DMD: variants seen among roughly 807,000 people sequenced by gnomAD.
DMD encodes the protein mutant dystrophin.
In DMD, 63 loss-of-function variants were observed where a neutral mutation model predicts 330.1. That is an observed-to-expected ratio of 0.19 (90% CI 0.16 to 0.24). The LOEUF (loss-of-function observed/expected upper bound fraction) is 0.24. Among genes scored for constraint, DMD ranks in the 10% least tolerant of loss-of-function variants. The pLI is 1.00. For synonymous variants in DMD, 1,223 were observed against 959.8 expected, an observed-to-expected ratio of 1.27 and a Z score of -5.07; for missense variants, 3,344 against 2,684.1, an observed-to-expected ratio of 1.25 and a Z score of -5.43.
intron 44 of DMD, among the ~76,000 whole-genome samples, chrX:32,063,079 C>T (rs182159752): frequency 0.024 from 2,609 of 110,180 alleles, 43 homozygotes; most frequent in Non-Finnish European, 0.037. Context: ...GTCAATTCAG[C>T]TTTTGATGTT....
intron 64 of DMD, among the ~76,000 whole-genome samples, chrX:31,220,994 G>A (rs1266841564): frequency 2.0e-5 from 2 of 102,194 alleles, no homozygotes; most frequent in East Asian, 3.2e-4. Flanking sequence ...ACTGTGGCCC[G>A]GAGAAGCCAA....
chrX:32,011,747 T>C (rs1157286583), intron 44 of DMD, among the ~76,000 whole-genome samples: 1 of 111,347 alleles, frequency 9.0e-6, no homozygotes, highest in Non-Finnish European at 1.9e-5. Flanking sequence ...CAGCCATAAG[T>C]GAGAACAGCT....
At chrX:32,712,843 T>A (rs1329534048) in intron 7 of DMD, among the ~76,000 whole-genome samples, 1 of 111,713 alleles carries the variant, frequency 9.0e-6, no homozygotes, top group African/African-American at 3.2e-5. Flanking sequence ...AGGTTTTATA[T>A]CACCTTAATA....
At chrX:33,328,623 G>T (rs1015907641) in intron 1 of DMD, among the ~76,000 whole-genome samples, 1 of 111,242 alleles carries the variant, frequency 9.0e-6, no homozygotes, top group African/African-American at 3.3e-5. Context: ...ACTATGTCAC[G>T]CATTTTGTGG....
At chrX:31,903,690 T>C (rs193019679) in intron 47 of DMD, among the ~76,000 whole-genome samples, 1 of 112,412 alleles carries the variant, frequency 8.9e-6, no homozygotes, top group African/African-American at 3.2e-5. Context: ...AAAATTACAT[T>C]ACAGATGAAG....
At chrX:33,199,745 T>A (rs984909513) in intron 1 of DMD, among the ~76,000 whole-genome samples, 4 of 110,910 alleles carry the variant, frequency 3.6e-5, no homozygotes, top group Admixed American at 1.9e-4. Flanking sequence ...GAAGAGAGGA[T>A]CAGCCTGCAA....
Position 32,486,777 on chromosome X carries a change from C to G in DMD, c.2623-1678G>C, listed in dbSNP as rs779114258. On this transcript the variant is annotated intron_variant, in intron 20 of 78. Coordinates refer to ENST00000357033, the MANE Select transcript of DMD (RefSeq NM_004006.3). ...AGGATTCCCTATTTAATAAATGGTGCTGGGAAAACTGGCTAGCCATATGTA... is the reference window on the plus strand; with the variant it reads ...AGGATTCCCTATTTAATAAATGGTGGTGGGAAAACTGGCTAGCCATATGTA... 2.8e-5 allele frequency among the ~76,000 whole-genome samples: 3 copies of G among 105,807 alleles called. No homozygotes were observed. In the Admixed American group the frequency reaches 3.1e-4, roughly 11 times the overall value. The allele number at this position is 105,807 out of a possible 115,157, so 91.9% of individuals were successfully genotyped here. A position where few individuals can be genotyped will look rare whatever the true frequency, so the allele number is the denominator to read the frequency against.
chrX:32,959,891 T>A (rs1329829870), intron 2 of DMD, among the ~76,000 whole-genome samples: 1 of 111,724 alleles, frequency 9.0e-6, no homozygotes, highest in Non-Finnish European at 1.9e-5. Flanking sequence ...ACTATGACTG[T>A]GAAATTAATG....
At chrX:32,071,605 A>G (rs1322262025) in intron 44 of DMD, among the ~76,000 whole-genome samples, 1 of 108,969 alleles carries the variant, frequency 9.2e-6, no homozygotes, top group African/African-American at 3.3e-5. Context: ...ACATGTATAC[A>G]TACGTAACAA....
chrX:32,563,929 A>T (rs1452107535), intron 16 of DMD, among the ~76,000 whole-genome samples: 1 of 111,513 alleles, frequency 9.0e-6, no homozygotes, highest in Non-Finnish European at 1.9e-5. Context: ...TGTGTGTCAC[A>T]GGGGTTTGCT....
rs1603634738 is a variant in DMD at position 32,491,199 on chromosome X, A to T, written c.2622+78T>A. 3 of 1,137,923 alleles carry T rather than the reference A, an allele frequency of 2.6e-6. No individual in the cohort carries two copies. The East Asian group carries it at 9.0e-5, about 34-fold the overall frequency. The allele number at this position is 1,137,923 out of a possible 1,213,427, so 93.8% of individuals were successfully genotyped here. On this transcript the variant is annotated intron_variant, in intron 20 of 78. Transcript: ENST00000357033. ...AAGGTGAACGTTTCATTACTAAATA[A>T]TTTGTTACTGTCTTCTTGGAAATTG...
intron 26 of DMD, among the ~76,000 whole-genome samples, chrX:32,454,118 T>C (rs73451748): frequency 1.8e-3 from 203 of 111,086 alleles, no homozygotes; most frequent in African/African-American, 6.3e-3. Context: ...CCATACTACA[T>C]ACTACATACC....
chrX:32,206,269 A>G, intron 44 of DMD: 2 of 528,717 alleles, frequency 3.8e-6, no homozygotes, highest in Non-Finnish European at 6.8e-6. Context: ...TCAGAAGACG[A>G]ACAGGAGGAG....
chrX:32,997,205 C>T (rs150918851), intron 2 of DMD, among the ~76,000 whole-genome samples: 3,810 of 109,301 alleles, frequency 0.035, 131 homozygotes, highest in East Asian at 0.2. Context: ...TGTGGGTACA[C>T]TGTAGGTGTA....
At chrX:32,501,108 C>T (rs760609158) in intron 19 of DMD, among the ~76,000 whole-genome samples, 1 of 111,764 alleles carries the variant, frequency 8.9e-6, no homozygotes, top group Non-Finnish European at 1.9e-5. Flanking sequence ...ATGTCAATGA[C>T]ACATTTGGTA....
At chrX:32,056,891 C>G (rs1395253360) in intron 44 of DMD, among the ~76,000 whole-genome samples, 1 of 111,066 alleles carries the variant, frequency 9.0e-6, no homozygotes, top group Non-Finnish European at 1.9e-5. Flanking sequence ...GCAAACTGAA[C>G]TCAACAGTAT....
At chrX:32,307,926 T>A (rs1344610057) in intron 42 of DMD, among the ~76,000 whole-genome samples, 1 of 111,284 alleles carries the variant, frequency 9.0e-6, no homozygotes, top group African/African-American at 3.3e-5. Flanking sequence ...TGAGTATTAT[T>A]AACTTTGTAC....
chrX:33,057,419 T>C (rs2094530802), intron 1 of DMD, among the ~76,000 whole-genome samples: 1 of 111,989 alleles, frequency 8.9e-6, no homozygotes, highest in Non-Finnish European at 1.9e-5. Flanking sequence ...TGTAGGAGCT[T>C]GGGCTAGGCA....
chrX:32,502,296 A>C (rs1289438122), intron 18 of DMD, among the ~76,000 whole-genome samples: 1 of 111,415 alleles, frequency 9.0e-6, no homozygotes, highest in Non-Finnish European at 1.9e-5. Context: ...ACCATAAATA[A>C]TTTAGCAGAA....
Sources: gnomAD v4.1 joint callset for allele counts (sites outside exome capture counted in the v4.1 genomes callset) on GRCh38, gnomAD v4.1.1 for gene constraint, MANE v1.5 for transcripts, NCBI Gene and HGNC (gene_info 2026-07-23, HGNC 2026-07-21) for gene names.